Variants in SLC9A7 observed in about 807,000 individuals in gnomAD.
The protein encoded by SLC9A7 is sodium/hydrogen exchanger 7.
SLC9A7 carries 19 observed loss-of-function variants against 52.6 expected under a neutral mutation model. The ratio of observed to expected loss-of-function variants is 0.36; its 90% confidence interval spans 0.25 to 0.53. The LOEUF is 0.53. Among genes scored for constraint, SLC9A7 ranks in the 20% least tolerant of loss-of-function variants. The pLI is 0.91. For synonymous variants in SLC9A7, 226 were observed against 252.1 expected (o/e 0.90, Z 0.98); for missense variants, 455 against 597.9 (o/e 0.76, Z 2.49).
intron 1 of SLC9A7, among the ~76,000 whole-genome samples, chrX:46,746,041 C>A (rs1569526253): frequency 9.3e-6 from 1 of 107,170 alleles, no homozygotes; most frequent in Admixed American, 1.0e-4. Flanking sequence ...AAAAAAAAAA[C>A]AGGTCGGGCG....
At chrX:46,718,797 T>A (rs1251038649) in intron 1 of SLC9A7, among the ~76,000 whole-genome samples, 2 of 111,581 alleles carry the variant, frequency 1.8e-5, no homozygotes, top group Non-Finnish European at 3.8e-5. Context: ...TCAGGAAACA[T>A]CAGGTGCTGG....
At chrX:46,615,910 T>C (rs909334797) in intron 15 of SLC9A7, among the ~76,000 whole-genome samples, 1 of 110,459 alleles carries the variant, frequency 9.1e-6, no homozygotes, top group African/African-American at 3.3e-5. Flanking sequence ...CAATTTTTTC[T>C]TCCCAATTTT....
chrX:46,613,510 C>T (rs1467308499), intron 15 of SLC9A7, 116 bp from the exon 16 acceptor site: 3 of 446,868 alleles, frequency 6.7e-6, no homozygotes, highest in South Asian at 9.1e-5. Context: ...CCATTTTACT[C>T]GTACAACACA....
intron 3 of SLC9A7, among the ~76,000 whole-genome samples, chrX:46,678,603 A>T (rs1602220911): frequency 9.2e-6 from 1 of 108,119 alleles, no homozygotes; most frequent in African/African-American, 3.4e-5. Flanking sequence ...TGCCCAGCTA[A>T]TTTTTTTGCT....
intron 1 of SLC9A7, among the ~76,000 whole-genome samples, chrX:46,722,217 ACAAAAGC>A (rs1244058809): frequency 8.9e-6 from 1 of 111,883 alleles, no homozygotes; most frequent in African/African-American, 3.3e-5. Context: ...GGGTTTCAAA[ACAAAAGC>A]CTTAACTTAG....
At chrX:46,754,359 T>C (rs1048299305) in intron 1 of SLC9A7, among the ~76,000 whole-genome samples, 1 of 111,791 alleles carries the variant, frequency 8.9e-6, no homozygotes, top group Admixed American at 9.5e-5. Context: ...TATACAGTTT[T>C]ATAAGCAACA....
At chrX:46,705,220 C>G (rs751798861) in intron 1 of SLC9A7, among the ~76,000 whole-genome samples, 1 of 111,711 alleles carries the variant, frequency 9.0e-6, no homozygotes, top group African/African-American at 3.3e-5. Context: ...GGAAGATGGC[C>G]AGCCATCCCT....
intron 1 of SLC9A7, among the ~76,000 whole-genome samples, chrX:46,751,159 C>T (rs782111185): frequency 1.8e-5 from 2 of 111,485 alleles, no homozygotes; most frequent in South Asian, 7.6e-4. Flanking sequence ...CATTTCCTTG[C>T]TTCATTCATC....
intron 5 of SLC9A7, among the ~76,000 whole-genome samples, chrX:46,665,557 C>CAAAAAA (rs754854403): frequency 9.2e-4 from 20 of 21,627 alleles, no homozygotes; most frequent in Non-Finnish European, 1.2e-3. Flanking sequence ...GACTCCATCT[C>CAAAAAA]AAAAAAAAAA....
At chrX:46,612,163 A>G (rs1351602630) in intron 16 of SLC9A7, among the ~76,000 whole-genome samples, 1 of 112,392 alleles carries the variant, frequency 8.9e-6, no homozygotes, top group Admixed American at 9.4e-5. Context: ...TGCAGTACTC[A>G]CTGATTCATG....
chrX:46,604,367 C>T lies in SLC9A7; in HGVS notation c.*2585G>A, dbSNP rs1405058318. ...TCAAACTTCCAAAGCCCATGGATGACCATAAAATCAAAATGGACTTTATTG... is the reference window on the plus strand; with the variant it reads ...TCAAACTTCCAAAGCCCATGGATGATCATAAAATCAAAATGGACTTTATTG... On this transcript the variant is annotated 3_prime_UTR_variant, in exon 17 of 17. Coordinates refer to ENST00000616978, the MANE Select transcript of SLC9A7 (RefSeq NM_001257291.2). 9.0e-6 allele frequency: 1 copy of T among 111,327 alleles called. No individual in the cohort carries two copies. Among genetic ancestry groups the T allele is most frequent in the East Asian group, 2.8e-4 (1 of 3,611 alleles). The allele number at this position is 111,327 out of a possible 1,213,427, so 9.2% of individuals were successfully genotyped here. A position where few individuals can be genotyped will look rare whatever the true frequency, so the allele number is the denominator to read the frequency against.
At chrX:46,610,960 A>C (rs1307827455) in intron 16 of SLC9A7, among the ~76,000 whole-genome samples, 1 of 112,383 alleles carries the variant, frequency 8.9e-6, no homozygotes, top group Non-Finnish European at 1.9e-5. Context: ...CCCAATTAAG[A>C]TGGAAAGTTT....
At chrX:46,748,562 C>T (rs200790369) in intron 1 of SLC9A7, among the ~76,000 whole-genome samples, 7 of 43,524 alleles carry the variant, frequency 1.6e-4, no homozygotes, top group Non-Finnish European at 4.6e-5. Flanking sequence ...TGTGTGTGTG[C>T]GTGTACACAC....
In SLC9A7 at chrX:46,617,410, G is replaced by A. The variant is rs183250062; in HGVS notation, c.1823+3567C>T. ...TTTTTCTCTTCATCAGGCAGGTACA[G>A]ACTCCTACCATGGCCAAAGTTGGGT... On this transcript the variant is annotated intron_variant, in intron 15 of 16. Coordinates refer to ENST00000616978, the MANE Select transcript of SLC9A7 (RefSeq NM_001257291.2). 3.4e-3 allele frequency among the ~76,000 whole-genome samples: 381 copies of A among 111,488 alleles called. 3 individuals are homozygous for A. The highest frequency in any genetic ancestry group is 0.012 in the African/African-American group (362 of 30,688).
intron 7 of SLC9A7, among the ~76,000 whole-genome samples, chrX:46,657,625 A>G (rs1399646636): frequency 9.2e-6 from 1 of 109,225 alleles, no homozygotes; most frequent in Non-Finnish European, 1.9e-5. Flanking sequence ...AGAGACAAAG[A>G]AGGCCATTAC....
chrX:46,678,423 T>TATTTATTTATTTA (rs1944155649), intron 3 of SLC9A7, among the ~76,000 whole-genome samples: 1 of 100,102 alleles, frequency 1.0e-5, no homozygotes, highest in Non-Finnish European at 2.0e-5. Context: ...TTTATTTATT[T>TATTTATTTATTTA]ATTTATTTAT....
Position 46,700,791 on chromosome X carries a change from C to T in SLC9A7, c.326-18256G>A, listed in dbSNP as rs143614338. 9.8e-3 allele frequency among the ~76,000 whole-genome samples: 1,099 copies of T among 112,175 alleles called. 13 individuals are homozygous for T. Among genetic ancestry groups the T allele is most frequent in the African/African-American group, 0.032 (994 of 30,875 alleles). ...CTTCTCTAGACCATCAACAACATCCCTATTGCTAACTCAGATCTCACCTCC... is the reference window on the plus strand; with the variant it reads ...CTTCTCTAGACCATCAACAACATCCTTATTGCTAACTCAGATCTCACCTCC... On this transcript the variant is annotated intron_variant, in intron 1 of 16. Coordinates refer to ENST00000616978, the MANE Select transcript of SLC9A7 (RefSeq NM_001257291.2).
chrX:46,647,200 C>T (rs1365894482), intron 11 of SLC9A7: 3 of 248,116 alleles, frequency 1.2e-5, no homozygotes, highest in Admixed American at 7.1e-5. Flanking sequence ...CAGTATCTTG[C>T]AGTGCCTGTC....
At position 46,613,334 on chromosome X, in the gene SLC9A7, C is replaced by G. The variant is rs777009070; in HGVS notation, c.1884G>C (p.Trp628Cys). 2 of 1,208,470 alleles carry G rather than the reference C, an allele frequency of 1.7e-6. No individual in the cohort carries two copies. The highest frequency in any genetic ancestry group is 4.4e-5 in the Admixed American group (2 of 45,763). The change falls in exon 16 of 17, where the codon TGG becomes TGC. Residue 628 changes from tryptophan (W) to cysteine (C), a missense_variant. Trp to Cys is a radical substitution (Grantham distance 215). Around this residue, in one of 3 missense-constraint regions of SLC9A7, gnomAD observed 146 missense variants for 160.5 expected, o/e 0.91. Coordinates refer to ENST00000616978, the MANE Select transcript of SLC9A7 (RefSeq NM_001257291.2). ...GPPLTTTLPA[W>C]CGLLARCLTS... is the part of the protein sequence containing the mutation. ...TCAGACATCGAGCTAGTAAGCCACA[C>G]CAGGCGGGGAGCGTGGTGGTTAGTG... is the stretch of plus-strand genomic sequence containing the variant.
Sources: gnomAD v4.1 joint callset for allele counts (sites outside exome capture counted in the v4.1 genomes callset) on GRCh38, gnomAD v4.1.1 for gene constraint, gnomAD v4.1.1 regional missense constraint, MANE v1.5 for transcripts, NCBI Gene and HGNC (gene_info 2026-07-23, HGNC 2026-07-21) for gene names.